DLG2: variants seen among roughly 807,000 people sequenced by gnomAD.
The protein encoded by DLG2 is discs large MAGUK scaffold protein 2.
A neutral mutation model predicts 132.5 loss-of-function variants in DLG2; 45 were observed. The observed-to-expected ratio is 0.34, with a 90% CI of 0.27 to 0.44. The LOEUF (loss-of-function observed/expected upper bound fraction) is 0.44, where lower values mean the gene tolerates loss of function less well. Among genes scored for constraint, DLG2 ranks in the 20% least tolerant of loss-of-function variants. DLG2 has a pLI of 1.00. For missense variants in DLG2, 1,045 were observed against 1,196.9 expected, an observed-to-expected ratio of 0.87 and a Z score of 1.87; for synonymous variants, 424 against 419.6, an observed-to-expected ratio of 1.01 and a Z score of -0.13.
chr11:83,823,541 T>C (rs2051475773), intron 17 of DLG2, among the ~76,000 whole-genome samples: 1 of 152,166 alleles, frequency 6.6e-6, no homozygotes, highest in African/African-American at 2.4e-5. Context: ...TAATGTATTC[T>C]GAATCTTCAG....
At chr11:85,157,782 C>A (rs2077695576) in intron 4 of DLG2, among the ~76,000 whole-genome samples, 1 of 152,138 alleles carries the variant, frequency 6.6e-6, no homozygotes, top group Non-Finnish European at 1.5e-5. Context: ...TGGGACCCTG[C>A]AACTTGGAAT....
chr11:85,252,504 T>A (rs1344650489), intron 4 of DLG2, among the ~76,000 whole-genome samples: 1 of 152,106 alleles, frequency 6.6e-6, no homozygotes, highest in Non-Finnish European at 1.5e-5. Flanking sequence ...GAGAATCGCT[T>A]GAACCCAGGA....
chr11:85,025,257 G>A (rs953976290), intron 6 of DLG2, among the ~76,000 whole-genome samples: 1 of 152,100 alleles, frequency 6.6e-6, no homozygotes, highest in African/African-American at 2.4e-5. Flanking sequence ...TAACACAGAG[G>A]ACAATAAACA....
intron 8 of DLG2, among the ~76,000 whole-genome samples, chr11:84,235,712 T>C (rs1441096437): frequency 6.6e-6 from 1 of 152,184 alleles, no homozygotes; most frequent in Non-Finnish European, 1.5e-5. Flanking sequence ...CTTTTAAGTG[T>C]CTCCTTCAGT....
At chr11:83,553,849 TG>T (rs2096454088) in intron 19 of DLG2, among the ~76,000 whole-genome samples, 1 of 151,938 alleles carries the variant, frequency 6.6e-6, no homozygotes, top group African/African-American at 2.4e-5. Context: ...ATAGTTTATG[TG>T]AATATTATTA....
chr11:85,070,072 A>G (rs2065593544), intron 6 of DLG2, among the ~76,000 whole-genome samples: 1 of 151,860 alleles, frequency 6.6e-6, no homozygotes, highest in Non-Finnish European at 1.5e-5. Context: ...CAAACACCGC[A>G]TGTTCTCACT....
chr11:84,926,596 G>A (rs1043037545), intron 6 of DLG2, among the ~76,000 whole-genome samples: 5 of 151,706 alleles, frequency 3.3e-5, no homozygotes, highest in African/African-American at 4.8e-5. Context: ...GTGGGGTGTG[G>A]GTGTGTGTCT....
chr11:84,281,932 T>C (rs1272363226), intron 7 of DLG2, among the ~76,000 whole-genome samples: 1 of 152,178 alleles, frequency 6.6e-6, no homozygotes, highest in African/African-American at 2.4e-5. Context: ...TAAAAAATTG[T>C]ACAACCCCTT....
intron 6 of DLG2, among the ~76,000 whole-genome samples, chr11:84,703,308 G>T (rs1227491418): frequency 6.6e-6 from 1 of 151,384 alleles, no homozygotes; most frequent in Non-Finnish European, 1.5e-5. Flanking sequence ...ACTGTAGTAG[G>T]GTTTACTAAA....
intron 17 of DLG2, among the ~76,000 whole-genome samples, chr11:83,807,586 A>C (rs941123684): frequency 2.0e-5 from 3 of 152,158 alleles, no homozygotes; most frequent in African/African-American, 7.2e-5. Flanking sequence ...GAAGGAGGGG[A>C]AAAGCGAATC....
At chr11:84,400,090 C>T (rs2098824470) in intron 7 of DLG2, among the ~76,000 whole-genome samples, 1 of 152,126 alleles carries the variant, frequency 6.6e-6, no homozygotes, top group African/African-American at 2.4e-5. Flanking sequence ...GGCATCTTTC[C>T]CACACTCAAG....
At chr11:83,788,839 G>A (rs945741184) in intron 17 of DLG2, among the ~76,000 whole-genome samples, 2 of 152,160 alleles carry the variant, frequency 1.3e-5, no homozygotes, top group Admixed American at 6.5e-5. Context: ...CCACTTTTAT[G>A]GATACTTTTT....
intron 4 of DLG2, among the ~76,000 whole-genome samples, chr11:85,162,287 G>A (rs563201196): frequency 4.6e-5 from 7 of 152,278 alleles, no homozygotes; most frequent in African/African-American, 1.7e-4. Flanking sequence ...AGGTCAATGG[G>A]AAATGACAAC....
chr11:85,430,088 C>G (rs2091061495), intron 3 of DLG2, among the ~76,000 whole-genome samples: 1 of 151,862 alleles, frequency 6.6e-6, no homozygotes, highest in South Asian at 2.1e-4. Context: ...AACCATCACT[C>G]TCAGCAAACT....
At chr11:83,957,238 T>A (rs2087116814) in intron 14 of DLG2, among the ~76,000 whole-genome samples, 1 of 152,040 alleles carries the variant, frequency 6.6e-6, no homozygotes, top group Non-Finnish European at 1.5e-5. Context: ...CCAGTTCTAA[T>A]CCACAAAGTT....
intron 6 of DLG2, among the ~76,000 whole-genome samples, chr11:84,584,213 T>C (rs534901358): frequency 2.0e-5 from 3 of 152,298 alleles, no homozygotes; most frequent in African/African-American, 4.8e-5. Context: ...ACCTATATAA[T>C]TGAGTATAAA....
chr11:85,114,835 T>A (rs2073326068), intron 5 of DLG2, among the ~76,000 whole-genome samples: 1 of 151,706 alleles, frequency 6.6e-6, no homozygotes, highest in Non-Finnish European at 1.5e-5. Flanking sequence ...ATGGGAATAT[T>A]TTTTTTTGTG....
intron 21 of DLG2, among the ~76,000 whole-genome samples, chr11:83,524,931 C>A (rs1466903719): frequency 6.6e-6 from 1 of 152,102 alleles, no homozygotes; most frequent in South Asian, 2.1e-4. Flanking sequence ...ACAGATTTTT[C>A]AGTTATAAAT....
rs527910025 is a variant in DLG2, at chr11:84,659,889, C to G, written c.358-125158G>C. ...AAAGGAAAAAAATAGACATTAAAAT[C>G]AGCCAAAGAAAGGTGTCCATTGGGC... is the stretch of plus-strand genomic sequence containing the variant. On this transcript the variant is annotated intron_variant, in intron 6 of 27. Transcript: ENST00000376104. Among the ~76,000 whole-genome samples, 4 of 152,234 alleles carry G rather than the reference C, an allele frequency of 2.6e-5. No homozygotes were observed. In the East Asian group the frequency reaches 5.8e-4, roughly 22 times the overall value.
Sources: allele counts gnomAD v4.1 joint callset (sites outside exome capture counted in the v4.1 genomes callset), GRCh38; gene constraint gnomAD v4.1.1; transcripts MANE v1.5; gene names NCBI Gene and HGNC (gene_info 2026-07-23, HGNC 2026-07-21).